FBXL7: variants seen among roughly 807,000 people sequenced by gnomAD.
FBXL7 encodes F-box and leucine rich repeat protein 7.
Under a neutral mutation model 38.3 loss-of-function variants are expected in FBXL7, and 12 were observed. The observed-to-expected ratio is 0.31, with a 90% CI of 0.20 to 0.51. The LOEUF (loss-of-function observed/expected upper bound fraction) is 0.51, where lower values mean the gene tolerates loss of function less well. Among genes scored for constraint, FBXL7 ranks in the 20% least tolerant of loss-of-function variants. The probability of loss-of-function intolerance (pLI) is 0.98; values close to 1 mark genes in which losing one functional copy is unlikely to be tolerated. For missense variants in FBXL7, 567 were observed against 676.4 expected (o/e 0.84, Z 1.79); for synonymous variants, 297 against 300.9 (o/e 0.99, Z 0.13).
chr5:15,588,565 T>G (rs1388779103), intron 1 of FBXL7, among the ~76,000 whole-genome samples: 1 of 152,068 alleles, frequency 6.6e-6, no homozygotes, highest in African/African-American at 2.4e-5. Flanking sequence ...TTTTGTATTT[T>G]TAGTAGAGAC....
At chr5:15,888,610 C>T (rs1228987876) in intron 2 of FBXL7, among the ~76,000 whole-genome samples, 1 of 151,880 alleles carries the variant, frequency 6.6e-6, no homozygotes, top group African/African-American at 2.4e-5. Context: ...TTTTTTAAAC[C>T]ATGTGAGTAC....
intron 1 of FBXL7, among the ~76,000 whole-genome samples, chr5:15,538,007 T>C (rs1737634825): frequency 1.3e-5 from 2 of 152,294 alleles, no homozygotes; most frequent in South Asian, 4.1e-4. Flanking sequence ...GAAAAGTGCC[T>C]TAAATATCAA....
intron 2 of FBXL7, among the ~76,000 whole-genome samples, chr5:15,670,089 C>T (rs1024308162): frequency 6.6e-6 from 1 of 151,992 alleles, no homozygotes; most frequent in Non-Finnish European, 1.5e-5. Flanking sequence ...TGAGGGAAAG[C>T]GGGTGTGTTG....
chr5:15,891,016 C>CATATT, intron 2 of FBXL7, among the ~76,000 whole-genome samples: 2 of 152,150 alleles, frequency 1.3e-5, no homozygotes, highest in East Asian at 3.9e-4. Flanking sequence ...TAATGATGGC[C>CATATT]ATATTATCCT....
chr5:15,627,613 T>A (rs1197400934), intron 2 of FBXL7, among the ~76,000 whole-genome samples: 1 of 152,192 alleles, frequency 6.6e-6, no homozygotes, highest in African/African-American at 2.4e-5. Context: ...TTTGGTGATG[T>A]CAGTGACAAA....
chr5:15,516,828 A>G (rs766919938), intron 1 of FBXL7, among the ~76,000 whole-genome samples: 3 of 151,966 alleles, frequency 2.0e-5, no homozygotes, highest in Non-Finnish European at 4.4e-5. Context: ...TGCTGCTGCC[A>G]TGTGAGGAAG....
chr5:15,857,157 A>G (rs1056388162), intron 2 of FBXL7, among the ~76,000 whole-genome samples: 11 of 152,140 alleles, frequency 7.2e-5, no homozygotes, highest in African/African-American at 2.4e-4. Context: ...TCCCACCTCA[A>G]TTTTACTGAT....
At chr5:15,580,893 T>G (rs1580383509) in intron 1 of FBXL7, 4 of 891,158 alleles carry the variant, frequency 4.5e-6, no homozygotes, top group Non-Finnish European at 4.0e-6. Flanking sequence ...AGACAGAAGG[T>G]TGGAATCCTG....
chr5:15,771,299 T>A (rs912059773), intron 2 of FBXL7, among the ~76,000 whole-genome samples: 1 of 152,224 alleles, frequency 6.6e-6, no homozygotes, highest in Non-Finnish European at 1.5e-5. Flanking sequence ...TAGCCTTGCC[T>A]GCCTTGAAAT....
intron 2 of FBXL7, among the ~76,000 whole-genome samples, chr5:15,717,494 T>C (rs1744076532): frequency 6.6e-6 from 1 of 152,242 alleles, no homozygotes; most frequent in Non-Finnish European, 1.5e-5. Context: ...GTTATCAGAA[T>C]TTTTAGTGAA....
intron 1 of FBXL7, among the ~76,000 whole-genome samples, chr5:15,582,041 G>A (rs1289250496): frequency 2.0e-5 from 3 of 152,104 alleles, no homozygotes; most frequent in Non-Finnish European, 2.9e-5. Context: ...AGGTTCAGGC[G>A]ATCCTCCTGC....
At chr5:15,646,835 G>A (rs993271875) in intron 2 of FBXL7, among the ~76,000 whole-genome samples, 5 of 152,142 alleles carry the variant, frequency 3.3e-5, no homozygotes, top group Admixed American at 2.0e-4. Flanking sequence ...ATGACCAAGG[G>A]ATACTCCAGA....
intron 2 of FBXL7, among the ~76,000 whole-genome samples, chr5:15,900,750 G>A (rs1004911193): frequency 6.6e-6 from 1 of 152,118 alleles, no homozygotes; most frequent in African/African-American, 2.4e-5. Flanking sequence ...AAATGTAAAC[G>A]GTTTGGTTCA....
chr5:15,834,397 T>C (rs1738535297), intron 2 of FBXL7, among the ~76,000 whole-genome samples: 1 of 152,228 alleles, frequency 6.6e-6, no homozygotes, highest in South Asian at 2.1e-4. Flanking sequence ...TTATGCACTT[T>C]TGAATCAGCA....
At chr5:15,888,339 C>T (rs1380801881) in intron 2 of FBXL7, among the ~76,000 whole-genome samples, 5 of 151,810 alleles carry the variant, frequency 3.3e-5, no homozygotes, top group South Asian at 2.1e-4. Flanking sequence ...ACGATTCTCC[C>T]GCCTCAGCCT....
At chr5:15,634,513 G>A (rs575237064) in intron 2 of FBXL7, among the ~76,000 whole-genome samples, 6 of 149,584 alleles carry the variant, frequency 4.0e-5, no homozygotes, top group East Asian at 2.3e-4. Context: ...GTTGGGGGGG[G>A]GGTTTACCCT....
At chr5:15,657,860 A>G (rs1222690010) in intron 2 of FBXL7, among the ~76,000 whole-genome samples, 1 of 151,586 alleles carries the variant, frequency 6.6e-6, no homozygotes, top group African/African-American at 2.4e-5. Context: ...AAAAAATGTA[A>G]TGGACATTTA....
At chr5:15,501,677 G>A in intron 1 of FBXL7, 1 of 985,468 alleles carries the variant, frequency 1.0e-6, no homozygotes, top group South Asian at 4.7e-5. Flanking sequence ...TGGCCTGGAG[G>A]AAACTCTTAT....
intron 2 of FBXL7, among the ~76,000 whole-genome samples, chr5:15,886,303 G>A (rs1413838945): frequency 6.6e-6 from 1 of 152,088 alleles, no homozygotes; most frequent in Non-Finnish European, 1.5e-5. Context: ...ATGCATGTGT[G>A]TGAGTGGCCA....
Sources: allele counts gnomAD v4.1 joint callset (sites outside exome capture counted in the v4.1 genomes callset), GRCh38; gene constraint gnomAD v4.1.1; transcripts MANE v1.5; gene names NCBI Gene and HGNC (gene_info 2026-07-23, HGNC 2026-07-21).